RPS6KA2: variants seen among roughly 807,000 people sequenced by gnomAD.
RPS6KA2 encodes the protein ribosomal protein S6 kinase alpha-2.
In RPS6KA2, 42 loss-of-function variants were observed where a neutral mutation model predicts 91.8. The ratio of observed to expected loss-of-function variants is 0.46; its 90% confidence interval spans 0.36 to 0.59. RPS6KA2 has a LOEUF of 0.59. Ranked by LOEUF, RPS6KA2 falls within the 20% of genes least tolerant of loss-of-function variation. RPS6KA2 has a pLI of 0.00. For missense variants in RPS6KA2, 798 were observed against 978.5 expected, an observed-to-expected ratio of 0.82 and a Z score of 2.46; for synonymous variants, 414 against 393.6, an observed-to-expected ratio of 1.05 and a Z score of -0.61.
chr6:166,619,729 G>C (rs1204449636), intron 1 of RPS6KA2, among the ~76,000 whole-genome samples: 1 of 152,250 alleles, frequency 6.6e-6, no homozygotes, highest in African/African-American at 2.4e-5. Flanking sequence ...AGAACAAGAG[G>C]CTTCCTTGGT....
rs1256078802 is a variant in RPS6KA2 at position 166,603,219 on chromosome 6, G to A, written c.99+23702C>T. ...TTCCCTCTGCTACTTCCCTGTCTGC[G>A]GTCTCTGCGTGACACAAGTTATGGT... On this transcript the variant is annotated intron_variant, in intron 1 of 20. Transcript: ENST00000265678. This position sits in a 1 kb window ranked among gnomAD's most constrained non-coding sequence, Gnocchi z 4.3. Among the ~76,000 whole-genome samples the A allele has an allele frequency of 3.9e-5, 6 of 152,190 alleles. No homozygotes were observed. The highest frequency in any genetic ancestry group is 1.4e-4 in the African/African-American group (6 of 41,432).
intron 5 of RPS6KA2, among the ~76,000 whole-genome samples, chr6:166,505,658 G>A (rs750834317): frequency 2.3e-4 from 35 of 152,204 alleles, no homozygotes; most frequent in Non-Finnish European, 4.0e-4. Flanking sequence ...GCCGACAGCC[G>A]GGCACCCGCT....
chr6:166,602,559 G>C (rs1785783339), intron 1 of RPS6KA2, among the ~76,000 whole-genome samples: 1 of 152,214 alleles, frequency 6.6e-6, no homozygotes, highest in East Asian at 1.9e-4. Context: ...CTACCCATCA[G>C]CATGGATACA....
intron 1 of RPS6KA2, among the ~76,000 whole-genome samples, chr6:166,582,084 C>T (rs1353039594): frequency 1.0e-4 from 12 of 118,288 alleles, no homozygotes; most frequent in African/African-American, 2.7e-4. Context: ...TGGGGTGGGA[C>T]GCCCACTGGG....
rs374664630 is a variant in RPS6KA2 at position 166,634,379 on chromosome 6, C to T, written c.124-95595G>A. On this transcript the variant is annotated intron_variant, in intron 2 of 21. Coordinates refer to the RPS6KA2 transcript ENST00000503859. ...CGGACGTTTCCAGGATAAGTCCTTG[C>T]GTCCACAGGCGCCACCTCTGAGTTG... is the stretch of plus-strand genomic sequence containing the variant. Among the ~76,000 whole-genome samples, 13 of 152,270 alleles carry T rather than the reference C, an allele frequency of 8.5e-5. No homozygotes were observed. In the East Asian group the frequency reaches 1.4e-3, roughly 16 times the overall value.
intron 1 of RPS6KA2, among the ~76,000 whole-genome samples, chr6:166,587,497 C>T (rs893179442): frequency 1.3e-5 from 2 of 152,072 alleles, no homozygotes; most frequent in African/African-American, 2.4e-5. Flanking sequence ...AATGAACCCA[C>T]GCATGTAAAA....
Position 166,852,287 on chromosome 6 carries a change from G to T in RPS6KA2, c.123+5913C>A, listed in dbSNP as rs1583179834. 6.6e-6 allele frequency among the ~76,000 whole-genome samples: 1 copy of T among 152,294 alleles called. No homozygotes were observed. The highest frequency in any genetic ancestry group is 6.5e-5 in the Admixed American group (1 of 15,306). ...AGGAGGTAATAAGCAGGGCCTGGAA[G>T]ATTGTTTTATCAATCTTCTTTCAAA... On this transcript the variant is annotated intron_variant, in intron 2 of 21. Coordinates refer to the RPS6KA2 transcript ENST00000503859. This position sits in a 1 kb window ranked among gnomAD's most constrained non-coding sequence, Gnocchi z 4.1.
chr6:166,699,553 C>A (rs570884208), intron 2 of RPS6KA2, among the ~76,000 whole-genome samples: 1 of 152,078 alleles, frequency 6.6e-6, no homozygotes, highest in East Asian at 1.9e-4. Context: ...ATATACAAGT[C>A]TTTAGATCAG....
At chr6:166,455,292 C>G (rs951631265) in intron 12 of RPS6KA2, among the ~76,000 whole-genome samples, 1 of 152,114 alleles carries the variant, frequency 6.6e-6, no homozygotes, top group African/African-American at 2.4e-5. Flanking sequence ...GCAGCCGCTC[C>G]GAAGCCCAGG....
At chr6:166,702,491 A>T in intron 2 of RPS6KA2, 1 of 1,579,404 alleles carries the variant, frequency 6.3e-7, no homozygotes, top group Non-Finnish European at 8.7e-7. Flanking sequence ...GCAGTTTCCG[A>T]GTCAGTGTTC....
At chr6:166,683,031 C>T (rs1788883014) in intron 2 of RPS6KA2, among the ~76,000 whole-genome samples, 1 of 152,208 alleles carries the variant, frequency 6.6e-6, no homozygotes, top group Admixed American at 6.5e-5. Context: ...TGATGGACGT[C>T]AGATGGGTCT....
At chr6:166,536,833 C>T (rs766915492) in intron 2 of RPS6KA2, among the ~76,000 whole-genome samples, 4 of 152,090 alleles carry the variant, frequency 2.6e-5, no homozygotes, top group African/African-American at 7.2e-5. Flanking sequence ...AATAAAGACA[C>T]AAGTAAAGAT....
At chr6:166,834,524 C>G (rs747007477) in intron 2 of RPS6KA2, among the ~76,000 whole-genome samples, 1 of 152,094 alleles carries the variant, frequency 6.6e-6, no homozygotes, top group Non-Finnish European at 1.5e-5. Context: ...ATGCTTAGTA[C>G]CTGGGTGATG....
chr6:166,561,312 T>C (rs919698645), intron 1 of RPS6KA2, among the ~76,000 whole-genome samples: 18 of 152,066 alleles, frequency 1.2e-4, no homozygotes, highest in African/African-American at 3.9e-4. Context: ...CAGCTCAAGG[T>C]CCCTGCTTTG....
intron 10 of RPS6KA2, among the ~76,000 whole-genome samples, chr6:166,486,534 C>G (rs959934510): frequency 3.2e-4 from 48 of 152,320 alleles, no homozygotes; most frequent in African/African-American, 1.1e-3. Context: ...CCTCTCAGAC[C>G]CTTGACTGGG....
At chr6:166,415,969 C>T (rs1437866361) in intron 19 of RPS6KA2, among the ~76,000 whole-genome samples, 1 of 146,268 alleles carries the variant, frequency 6.8e-6, no homozygotes, top group Non-Finnish European at 1.5e-5. Flanking sequence ...CCATCATCTT[C>T]ACCATCTCCA....
Position 166,557,315 on chromosome 6 carries a change from G to A in RPS6KA2, c.100-18531C>T, listed in dbSNP as rs895448576. Among the ~76,000 whole-genome samples, 5 of 152,226 alleles carry A rather than the reference G, an allele frequency of 3.3e-5. No homozygotes were observed. Among genetic ancestry groups the A allele is most frequent in the African/African-American group, 4.8e-5 (2 of 41,446 alleles). On this transcript the variant is annotated intron_variant, in intron 1 of 20. Coordinates refer to ENST00000265678, the MANE Select transcript of RPS6KA2 (RefSeq NM_021135.6). This position sits in a 1 kb window ranked among gnomAD's most constrained non-coding sequence, Gnocchi z 4.8. ...CCCAAGAACAGCCCGCAGGGAAGAC[G>A]CCCAAAACCTAAATCGACATAAACA...
rs187964942 is a variant in RPS6KA2, at chr6:166,563,289, C to G, written c.100-24505G>C. Among the ~76,000 whole-genome samples the G allele has an allele frequency of 4.0e-3, 603 of 152,278 alleles. 4 individuals carry two copies. The highest frequency in any genetic ancestry group is 0.014 in the African/African-American group (581 of 41,544). Reference sequence around the variant, plus strand: ...GGGGTGGAGCTGGGAGAGGCCCCAGCGGGAAGCACTCGGAGGAGCGGGGGC... The same window carrying G: ...GGGGTGGAGCTGGGAGAGGCCCCAGGGGGAAGCACTCGGAGGAGCGGGGGC... On this transcript the variant is annotated intron_variant, in intron 1 of 20. Transcript: ENST00000265678. This position sits in a 1 kb window ranked among gnomAD's most constrained non-coding sequence, Gnocchi z 4.1.
At position 166,716,857 on chromosome 6, in the gene RPS6KA2, C is replaced by T. The variant is rs140345492; in HGVS notation, c.123+141343G>A. Among the ~76,000 whole-genome samples the T allele has an allele frequency of 1.6e-4, 24 of 151,716 alleles. 1 individual carries two copies. The East Asian group carries it at 4.7e-3, about 30-fold the overall frequency. On this transcript the variant is annotated intron_variant, in intron 2 of 21. Coordinates refer to the RPS6KA2 transcript ENST00000503859. ...GTGTAAAGCATGACTAAATTTAAAACTTTCGGATGTCAAAACACTGTAACC... is the reference window on the plus strand; with the variant it reads ...GTGTAAAGCATGACTAAATTTAAAATTTTCGGATGTCAAAACACTGTAACC...
Sources: allele counts gnomAD v4.1 joint callset (sites outside exome capture counted in the v4.1 genomes callset), GRCh38; gene constraint gnomAD v4.1.1; non-coding constraint Gnocchi (gnomAD v3.1); transcripts MANE v1.5; gene names NCBI Gene and HGNC (gene_info 2026-07-23, HGNC 2026-07-21).